The following HYCC2 variants were observed in gnomAD, a reference collection of about 807,000 sequenced individuals.
HYCC2 encodes hyccin 2.
chr2:200,976,232 T>C, the HYCC2 span: 1 of 152,170 alleles, frequency 6.6e-6, no homozygotes, highest in Non-Finnish European at 1.5e-5. Flanking sequence ...TAGCTGTACA[T>C]AGAAAAATTG....
At chr2:200,988,171 G>A in the HYCC2 span, 3 of 1,055,504 alleles carry the variant, frequency 2.8e-6, no homozygotes, top group Non-Finnish European at 3.9e-6. Context: ...AATTATACAG[G>A]GTCTTTTAAT....
chr2:201,011,291 G>C, the HYCC2 span: 2 of 619,302 alleles, frequency 3.2e-6, no homozygotes, highest in Non-Finnish European at 5.3e-6. Flanking sequence ...AAGCAAATCA[G>C]TAAAGATATT....
chr2:201,052,698 A>G, the HYCC2 span, among the ~76,000 whole-genome samples: 2 of 152,220 alleles, frequency 1.3e-5, no homozygotes, highest in African/African-American at 4.8e-5. Context: ...AGTTGCCTCA[A>G]CTTCCTTCCT....
the HYCC2 span, among the ~76,000 whole-genome samples, chr2:201,027,420 T>A: frequency 6.6e-6 from 1 of 152,148 alleles, no homozygotes. Flanking sequence ...TCTAAAACTA[T>A]TCCAATCAAT....
chr2:200,974,467 G>A, the HYCC2 span: 1 of 151,938 alleles, frequency 6.6e-6, no homozygotes, highest in Non-Finnish European at 1.5e-5. Flanking sequence ...TAATTTTAGA[G>A]TAAGAATAAA....
At chr2:200,988,926 A>G in the HYCC2 span, among the ~76,000 whole-genome samples, 1 of 152,182 alleles carries the variant, frequency 6.6e-6, no homozygotes. Flanking sequence ...TCTAGCAAAA[A>G]TCTTGAGCTA....
At chr2:201,046,371 T>G in the HYCC2 span, among the ~76,000 whole-genome samples, 150 of 152,296 alleles carry the variant, frequency 9.8e-4, no homozygotes, top group African/African-American at 3.3e-3. Flanking sequence ...ACACTTTATC[T>G]CATACACTGG....
the HYCC2 span, among the ~76,000 whole-genome samples, chr2:201,041,324 T>C: frequency 6.6e-6 from 1 of 152,254 alleles, no homozygotes; most frequent in South Asian, 2.1e-4. Flanking sequence ...AAAGGCACTA[T>C]GCAATCTGGT....
chr2:201,054,488 G>C, the HYCC2 span, among the ~76,000 whole-genome samples: 1 of 152,130 alleles, frequency 6.6e-6, no homozygotes, highest in African/African-American at 2.4e-5. Context: ...CTTCCTGCTA[G>C]GACAAGAAGT....
the HYCC2 span, among the ~76,000 whole-genome samples, chr2:201,035,821 G>C: frequency 6.6e-6 from 1 of 152,120 alleles, no homozygotes; most frequent in Non-Finnish European, 1.5e-5. Context: ...CCTTCTAATA[G>C]TCAGGACCCT....
the HYCC2 span, among the ~76,000 whole-genome samples, chr2:201,036,977 G>T: frequency 3.3e-5 from 5 of 152,346 alleles, no homozygotes; most frequent in South Asian, 6.2e-4. Flanking sequence ...CAGATGACAT[G>T]ATTGTATATC....
chr2:201,033,716 T>G, the HYCC2 span, among the ~76,000 whole-genome samples: 1 of 150,286 alleles, frequency 6.7e-6, no homozygotes, highest in Admixed American at 6.6e-5. Flanking sequence ...ATTTTTTTTG[T>G]TGTATATAGA....
the HYCC2 span, among the ~76,000 whole-genome samples, chr2:201,055,827 G>A: frequency 2.9e-3 from 435 of 152,294 alleles, 2 homozygotes; most frequent in African/African-American, 0.01. Context: ...TCGGGTGGCT[G>A]ATGTGGGAGG....
chr2:200,992,910 A>T, the HYCC2 span: 1 of 1,609,778 alleles, frequency 6.2e-7, no homozygotes. Flanking sequence ...CCCCTGTGAG[A>T]AGTTGCACCA....
the HYCC2 span, chr2:201,022,788 T>C: frequency 8.0e-7 from 1 of 1,255,776 alleles, no homozygotes; most frequent in East Asian, 2.4e-5. Context: ...GTATACATAT[T>C]TCATTTCACT....
the HYCC2 span, among the ~76,000 whole-genome samples, chr2:200,988,875 GC>G: frequency 3.9e-5 from 6 of 152,100 alleles, no homozygotes; most frequent in Non-Finnish European, 4.4e-5. Flanking sequence ...CCTGGTAATT[GC>G]CATTTGACTG....
At chr2:201,029,250 C>T in the HYCC2 span, among the ~76,000 whole-genome samples, 4 of 152,156 alleles carry the variant, frequency 2.6e-5, no homozygotes, top group African/African-American at 9.7e-5. Context: ...ATCAAAACCA[C>T]AGTGAGATAA....
the HYCC2 span, among the ~76,000 whole-genome samples, chr2:200,982,819 C>A: frequency 6.6e-6 from 1 of 152,110 alleles, no homozygotes; most frequent in Non-Finnish European, 1.5e-5. Context: ...TGCAGTGGCA[C>A]GATCTTCAGC....
At chr2:201,006,024 G>C in the HYCC2 span, among the ~76,000 whole-genome samples, 1 of 151,356 alleles carries the variant, frequency 6.6e-6, no homozygotes, top group Admixed American at 6.6e-5. Flanking sequence ...AGTAGAGACA[G>C]AGTTTCACCA....
Sources: gnomAD v4.1 joint callset for allele counts (sites outside exome capture counted in the v4.1 genomes callset) on GRCh38, gnomAD v4.1.1 for gene constraint, MANE v1.5 for transcripts, NCBI Gene and HGNC (gene_info 2026-07-23, HGNC 2026-07-21) for gene names.